The following COL10A1 variants were observed in gnomAD, a reference collection of about 807,000 sequenced individuals.
COL10A1 encodes collagen type X alpha 1 chain.
COL10A1 carries 10 observed loss-of-function variants against 18.2 expected under a neutral mutation model. The observed-to-expected ratio is 0.55, with a 90% CI of 0.34 to 0.93. The LOEUF is 0.93. COL10A1 is among the 40% of genes least tolerant of loss of function. The probability of loss-of-function intolerance (pLI) is 0.02; values close to 1 mark genes in which losing one functional copy is unlikely to be tolerated. For missense variants in COL10A1, 897 were observed against 853.5 expected, an observed-to-expected ratio of 1.05 and a Z score of -0.64; for synonymous variants, 330 against 316.6, an observed-to-expected ratio of 1.04 and a Z score of -0.45.
chr6:116,171,620 A>G, the COL10A1 span, among the ~76,000 whole-genome samples: 1 of 152,212 alleles, frequency 6.6e-6, no homozygotes, highest in Non-Finnish European at 1.5e-5. Flanking sequence ...AAGACAGTGT[A>G]TTCTATATTT....
chr6:116,141,926 ACT>A (rs1491054332), intron 1 of COL10A1, among the ~76,000 whole-genome samples: 1 of 148,808 alleles, frequency 6.7e-6, no homozygotes, highest in African/African-American at 2.5e-5. Context: ...ACACACACAC[ACT>A]GTAAATGTGA....
chr6:116,182,403 G>A, the COL10A1 span, among the ~76,000 whole-genome samples: 1 of 152,008 alleles, frequency 6.6e-6, no homozygotes, highest in Non-Finnish European at 1.5e-5. Context: ...TAGATACTCA[G>A]GAGCAGGATT....
chr6:116,198,424 G>A, the COL10A1 span, among the ~76,000 whole-genome samples: 27 of 151,962 alleles, frequency 1.8e-4, no homozygotes, highest in East Asian at 3.9e-4. Context: ...TCTTCTATTC[G>A]TCCCATACAT....
the COL10A1 span, among the ~76,000 whole-genome samples, chr6:116,173,649 C>A: frequency 1.3e-5 from 2 of 152,104 alleles, no homozygotes; most frequent in African/African-American, 4.8e-5. Flanking sequence ...TCCTCTTTTC[C>A]TGCACATATT....
chr6:116,120,863 G>A lies in COL10A1; in HGVS notation c.1253C>T (p.Pro418Leu). 6.2e-7 allele frequency: 1 copy of A among 1,613,818 alleles called. No homozygotes were observed. Among genetic ancestry groups the A allele is most frequent in the Non-Finnish European group, 8.5e-7 (1 of 1,179,880 alleles). The change falls in exon 3 of 3, where the codon CCT (proline) becomes CTT (leucine). Residue 418 changes from proline (P) to leucine (L), a missense_variant. Coordinates refer to ENST00000651968, the MANE Select transcript of COL10A1 (RefSeq NM_000493.4). ...TGGGCCCACAGGGCCTGGGAGACCA[G>A]GAGGTCCTCCAACTCCAGGATCACC... ...PKGDPGVGGP[P>L]GLPGPVGPAG...
chr6:116,200,136 G>T, the COL10A1 span, among the ~76,000 whole-genome samples: 7 of 151,844 alleles, frequency 4.6e-5, no homozygotes, highest in African/African-American at 1.2e-4. Flanking sequence ...TATCTCCATG[G>T]TCTTCCACCC....
chr6:116,166,491 G>C, the COL10A1 span, among the ~76,000 whole-genome samples: 3 of 152,334 alleles, frequency 2.0e-5, no homozygotes, highest in East Asian at 3.9e-4. Context: ...ATTGGGAATA[G>C]TGGATATTTG....
the COL10A1 span, among the ~76,000 whole-genome samples, chr6:116,211,644 T>C: frequency 6.6e-6 from 1 of 152,072 alleles, no homozygotes. Flanking sequence ...GTAAAAAATA[T>C]AGAGTCCACG....
chr6:116,154,539 A>G (rs1026693183), intron 1 of COL10A1, among the ~76,000 whole-genome samples: 5 of 152,176 alleles, frequency 3.3e-5, no homozygotes, highest in Admixed American at 1.3e-4. Flanking sequence ...ATGAAAAAAA[A>G]ATACACAAAA....
rs1411049845 is a variant in COL10A1, at chr6:116,121,231, A to G, written c.885T>C (p.Pro295=). The part of the protein sequence containing the change: ...GAPGIAGPPG[P]PGFGKPGLPG... ...GCAAGCCTGGTTTCCCAAAGCCAGG[A>G]GGCCCTGGGGGCCCAGCTATTCCTG... Residue 295 remains proline (P), a synonymous_variant, in exon 3 of 3, where the codon CCT becomes CCC. Coordinates refer to ENST00000651968, the MANE Select transcript of COL10A1 (RefSeq NM_000493.4). 1.1e-5 allele frequency: 18 copies of G among 1,613,478 alleles called. No homozygotes were observed. The highest frequency in any genetic ancestry group is 1.7e-5 in the Admixed American group (1 of 59,992).
chr6:116,156,724 A>G (rs932024693), intron 1 of COL10A1, among the ~76,000 whole-genome samples: 1 of 152,238 alleles, frequency 6.6e-6, no homozygotes, highest in African/African-American at 2.4e-5. Context: ...TTGCTTTTAA[A>G]TTTCAGCATA....
chr6:116,170,383 G>C, the COL10A1 span, among the ~76,000 whole-genome samples: 4 of 152,114 alleles, frequency 2.6e-5, no homozygotes, highest in Non-Finnish European at 5.9e-5. Context: ...ATTCTGCCAC[G>C]TAGTTGGTGT....
the COL10A1 span, among the ~76,000 whole-genome samples, chr6:116,178,905 A>G: frequency 6.6e-6 from 1 of 152,300 alleles, no homozygotes; most frequent in Admixed American, 6.5e-5. Flanking sequence ...CTCGATATGC[A>G]TTTCCAGCCC....
chr6:116,188,993 C>G, the COL10A1 span, among the ~76,000 whole-genome samples: 1 of 151,858 alleles, frequency 6.6e-6, no homozygotes. Context: ...CACATTAGAA[C>G]TTCACTGTAT....
At chr6:116,125,768 G>T in intron 1 of COL10A1, 1 of 317,606 alleles carries the variant, frequency 3.1e-6, no homozygotes, top group Non-Finnish European at 6.0e-6. Flanking sequence ...AATTAGGATT[G>T]GATGTCTGTA....
At chr6:116,211,153 A>G in the COL10A1 span, among the ~76,000 whole-genome samples, 3 of 152,184 alleles carry the variant, frequency 2.0e-5, no homozygotes, top group Middle Eastern at 3.4e-3. Context: ...GCAGAGAGAA[A>G]GCTCAAGCTA....
chr6:116,129,410 G>T (rs1438669671), upstream of COL10A1, among the ~76,000 whole-genome samples: 1 of 152,176 alleles, frequency 6.6e-6, no homozygotes, highest in Admixed American at 6.5e-5. Flanking sequence ...AACAGTTTTG[G>T]CAAGTGGGAT....
the COL10A1 span, among the ~76,000 whole-genome samples, chr6:116,210,709 A>G: frequency 6.6e-6 from 1 of 151,902 alleles, no homozygotes; most frequent in Non-Finnish European, 1.5e-5. Context: ...AATCTATTTT[A>G]AAAGTGATAT....
chr6:116,190,494 C>A, the COL10A1 span, among the ~76,000 whole-genome samples: 4 of 151,912 alleles, frequency 2.6e-5, no homozygotes, highest in Non-Finnish European at 5.9e-5. Context: ...GCAGTGGTAT[C>A]TGGAGAAAAC....
Sources: allele counts gnomAD v4.1 joint callset (sites outside exome capture counted in the v4.1 genomes callset), GRCh38; gene constraint gnomAD v4.1.1; transcripts MANE v1.5; gene names NCBI Gene and HGNC (gene_info 2026-07-23, HGNC 2026-07-21).